Variants in CCDC30 observed in about 807,000 individuals in gnomAD.
CCDC30 encodes coiled-coil domain containing 30, also known as coiled-coil domain-containing protein 30.
In CCDC30, 70 loss-of-function variants were observed where a neutral mutation model predicts 100.2. The observed-to-expected ratio is 0.70, with a 90% confidence interval of 0.58 to 0.85. CCDC30 has a LOEUF of 0.85. CCDC30 is among the 40% of genes least tolerant of loss of function. The pLI, the probability that CCDC30 is intolerant of heterozygous loss-of-function variation, is 0.00. For missense variants in CCDC30, 652 were observed against 771.2 expected, an observed-to-expected ratio of 0.85 and a Z score of 1.83; for synonymous variants, 233 against 269.5, an observed-to-expected ratio of 0.86 and a Z score of 1.33.
At chr1:42,571,374 C>T (rs1645729196) in intron 7 of CCDC30, 2 of 151,708 alleles carry the variant, frequency 1.3e-5, no homozygotes, top group South Asian at 4.2e-4. Context: ...AATGAAACTT[C>T]TAGGCTTTCT....
At chr1:42,614,316 G>A (rs924848906) in intron 11 of CCDC30, among the ~76,000 whole-genome samples, 8 of 151,582 alleles carry the variant, frequency 5.3e-5, no homozygotes, top group Admixed American at 2.0e-4. Context: ...TCCTGACCTC[G>A]TGATCCACCC....
intron 14 of CCDC30, 25 bp from the exon 19 acceptor site, chr1:42,646,110 A>C (rs536181673): frequency 1.1e-5 from 17 of 1,544,102 alleles, no homozygotes; most frequent in African/African-American, 4.2e-5. Flanking sequence ...GAAATAAATA[A>C]CTCCAAAATT....
intron 10 of CCDC30, among the ~76,000 whole-genome samples, chr1:42,609,753 C>G (rs933873683): frequency 3.3e-5 from 5 of 152,092 alleles, no homozygotes; most frequent in African/African-American, 4.8e-5. Flanking sequence ...AAGGTAAGTG[C>G]CTTGGGTGAA....
chr1:42,567,078 G>A (rs16829710), intron 7 of CCDC30, among the ~76,000 whole-genome samples: 1,852 of 152,200 alleles, frequency 0.012, 32 homozygotes, highest in African/African-American at 0.041. Flanking sequence ...GTTTCTATAA[G>A]CCTCTATTGA....
At chr1:42,568,665 A>G (rs12029880) in intron 7 of CCDC30, among the ~76,000 whole-genome samples, 58,418 of 151,582 alleles carry the variant, frequency 0.39, 11,768 homozygotes, top group East Asian at 0.59. Context: ...AGTGGCTGAC[A>G]CCTATAATCG....
intron 12 of CCDC30, among the ~76,000 whole-genome samples, chr1:42,638,324 C>T (rs1647197965): frequency 6.6e-6 from 1 of 151,796 alleles, no homozygotes; most frequent in Non-Finnish European, 1.5e-5. Flanking sequence ...TATAAATAGC[C>T]ACTGCACTCC....
intron 13 of CCDC30, among the ~76,000 whole-genome samples, 160 bp from the exon 18 acceptor site, chr1:42,644,533 C>T (rs959905142): frequency 2.6e-5 from 4 of 152,168 alleles, no homozygotes; most frequent in African/African-American, 9.7e-5. Context: ...AAACAACACA[C>T]TTGTTCTTGG....
chr1:42,582,415 G>T (rs1645986514), intron 9 of CCDC30, among the ~76,000 whole-genome samples: 1 of 152,134 alleles, frequency 6.6e-6, no homozygotes, highest in Admixed American at 6.5e-5. Flanking sequence ...TATTTTTTAA[G>T]ATTGGGAAAC....
chr1:42,516,759 AAC>A (rs1644561433), intron 6 of CCDC30, among the ~76,000 whole-genome samples: 1 of 152,084 alleles, frequency 6.6e-6, no homozygotes, highest in South Asian at 2.1e-4. Context: ...TGAACCAAAT[AAC>A]CCCCTTTTCT....
exon 7 of CCDC30, chr1:42,566,470 A>C (rs1159831288): frequency 6.2e-7 from 1 of 1,613,026 alleles, no homozygotes; most frequent in East Asian, 2.2e-5. Flanking sequence ...GGAAGAAAAC[A>C]TTAAGGTAAC....
At chr1:42,461,550 C>CTTTT (rs34955190), upstream of CCDC30, among the ~76,000 whole-genome samples, 1 of 140,592 alleles carries the variant, frequency 7.1e-6, no homozygotes, top group Non-Finnish European at 1.6e-5. Flanking sequence ...TACCCAGGCT[C>CTTTT]TTTTTTTTTT....
At chr1:42,510,850 G>A (rs937950269) in intron 6 of CCDC30, among the ~76,000 whole-genome samples, 19 of 151,830 alleles carry the variant, frequency 1.3e-4, no homozygotes, top group African/African-American at 3.6e-4. Context: ...TCTGTAGGTC[G>A]CCTGATATGA....
At chr1:42,604,061 T>C (rs145035443) in intron 10 of CCDC30, among the ~76,000 whole-genome samples, 28 of 152,072 alleles carry the variant, frequency 1.8e-4, no homozygotes, top group African/African-American at 6.7e-4. Flanking sequence ...CTCTCCAATT[T>C]TTTTTTAATT....
intron 11 of CCDC30, among the ~76,000 whole-genome samples, chr1:42,621,647 G>A (rs1427681393): frequency 6.6e-6 from 1 of 152,072 alleles, no homozygotes; most frequent in Non-Finnish European, 1.5e-5. Flanking sequence ...GAGTAGCTAG[G>A]ACTACAGGCG....
chr1:42,498,712 A>T, intron 5 of CCDC30, 106 bp from the exon 6 acceptor site: 2 of 480,248 alleles, frequency 4.2e-6, no homozygotes, highest in Non-Finnish European at 6.6e-6. Flanking sequence ...TTGAAGATTT[A>T]CAAGGAGAAT....
intron 6 of CCDC30, chr1:42,521,339 T>A (rs1428271613): frequency 1.3e-5 from 2 of 154,728 alleles, no homozygotes; most frequent in African/African-American, 4.8e-5. Context: ...AAAAGTGTGT[T>A]GTTTAGTTTC....
chr1:42,585,762 T>C (rs1646056575), intron 9 of CCDC30, among the ~76,000 whole-genome samples: 1 of 152,166 alleles, frequency 6.6e-6, no homozygotes, highest in East Asian at 1.9e-4. Flanking sequence ...ATATTTTTAA[T>C]TTATTGAGAC....
chr1:42,538,149 CAAAAAAAAAAAAAAAAAAA>C (rs776412637), intron 6 of CCDC30, among the ~76,000 whole-genome samples: 1 of 82,378 alleles, frequency 1.2e-5, no homozygotes, highest in Non-Finnish European at 2.1e-5. Context: ...ACTGTCTCCA[CAAAAAAAAAAAAAAAAAAA>C]AAAAAAAAAA....
upstream of CCDC30, among the ~76,000 whole-genome samples, chr1:42,462,883 A>G (rs1643447953): frequency 6.6e-6 from 1 of 152,220 alleles, no homozygotes; most frequent in Admixed American, 6.5e-5. Context: ...CCACGTGGCT[A>G]GTGACACGAT....
Sources: allele counts gnomAD v4.1 joint callset (sites outside exome capture counted in the v4.1 genomes callset), GRCh38; gene constraint gnomAD v4.1.1; transcripts MANE v1.5; gene names NCBI Gene and HGNC (gene_info 2026-07-23, HGNC 2026-07-21).